Variants in DDI2 observed in about 807,000 individuals in gnomAD.
The protein encoded by DDI2 is DDI proteasomal shuttling factor 2, also known as protein DDI1 homolog 2.
DDI2 carries 5 observed loss-of-function variants against 48.1 expected under a neutral mutation model. That is an observed-to-expected ratio of 0.10 (90% CI 0.05 to 0.22). DDI2 has a LOEUF of 0.22. DDI2 is among the 10% of genes least tolerant of loss of function. The probability of loss-of-function intolerance (pLI) is 1.00; values close to 1 mark genes in which losing one functional copy is unlikely to be tolerated. For missense variants in DDI2, 285 were observed against 506.2 expected (o/e 0.56, Z 4.19); for synonymous variants, 205 against 183.6 (o/e 1.12, Z -0.94).
At chr1:15,641,869 C>T (rs1426399435) in intron 5 of DDI2, among the ~76,000 whole-genome samples, 6 of 149,038 alleles carry the variant, frequency 4.0e-5, no homozygotes, top group South Asian at 2.1e-4. Context: ...GCAGGAGAAT[C>T]GCTTGAACCC....
At chr1:15,656,332 C>A in intron 8 of DDI2, 1 of 1,126,196 alleles carries the variant, frequency 8.9e-7, no homozygotes, top group Non-Finnish European at 1.2e-6. Flanking sequence ...CTTTCTTCAC[C>A]TGTCTCACAT....
At chr1:15,658,473 C>T (rs1014952209) in intron 9 of DDI2, among the ~76,000 whole-genome samples, 1 of 140,354 alleles carries the variant, frequency 7.1e-6, no homozygotes, top group Non-Finnish European at 1.6e-5. Flanking sequence ...AATTAAAGAT[C>T]TTACAATGGT....
intron 8 of DDI2, among the ~76,000 whole-genome samples, chr1:15,653,561 T>A (rs888360210): frequency 3.3e-5 from 5 of 151,302 alleles, no homozygotes; most frequent in African/African-American, 4.8e-5. Flanking sequence ...AAAAAAAAAA[T>A]TTTTTTTTGA....
At position 15,641,778 on chromosome 1, in the gene DDI2, A is replaced by G. The variant is rs930160882; in HGVS notation, c.761-1744A>G. 4.6e-5 allele frequency among the ~76,000 whole-genome samples: 7 copies of G among 152,116 alleles called. No homozygotes were observed. The East Asian group carries it at 1.4e-3, about 30-fold the overall frequency. ...AAGACCAGCCTGGCCAACATGCTGA[A>G]GCCCCATCTCTACTAAAAATACAAA... is the stretch of plus-strand genomic sequence containing the variant. On this transcript the variant is annotated intron_variant, in intron 5 of 9. Coordinates refer to ENST00000480945, the MANE Select transcript of DDI2 (RefSeq NM_032341.5).
chr1:15,626,858 G>A, intron 2 of DDI2, 60 bp downstream of exon 2: 1 of 1,606,514 alleles, frequency 6.2e-7, no homozygotes, highest in Non-Finnish European at 8.5e-7. Context: ...GCAGAGCATA[G>A]CACCTCAGAG....
At chr1:15,655,998 T>A (rs545037216) in intron 8 of DDI2, among the ~76,000 whole-genome samples, 119 of 150,480 alleles carry the variant, frequency 7.9e-4, no homozygotes, top group African/African-American at 2.2e-3. Flanking sequence ...TAAAATGTTT[T>A]AAAAAAAAAA....
chr1:15,631,937 C>CTGGGA, intron 3 of DDI2, among the ~76,000 whole-genome samples: 1 of 152,002 alleles, frequency 6.6e-6, no homozygotes, highest in East Asian at 1.9e-4. Flanking sequence ...TCCCAAGTAG[C>CTGGGA]TGGGACTACA....
chr1:15,656,772 C>A, intron 9 of DDI2, 93 bp downstream of exon 9: 1 of 1,560,600 alleles, frequency 6.4e-7, no homozygotes, highest in South Asian at 1.1e-5. Context: ...TAGCATTTGT[C>A]ATTCACCATT....
At chr1:15,641,987 G>A (rs1174312940) in intron 5 of DDI2, among the ~76,000 whole-genome samples, 2 of 149,628 alleles carry the variant, frequency 1.3e-5, no homozygotes, top group East Asian at 3.9e-4. Context: ...GGAGAAGAAA[G>A]GGCATCAGAA....
rs144568839 is a variant in DDI2 at position 15,666,920 on chromosome 1, A to C, written c.*7130A>C. 6.6e-6 allele frequency: 1 copy of C among 152,104 alleles called. No individual in the cohort carries two copies. Among genetic ancestry groups the C allele is most frequent in the South Asian group, 2.1e-4 (1 of 4,834 alleles). The allele number at this position is 152,104 out of a possible 1,614,324, so 9.4% of individuals were successfully genotyped here. ...GCCTAAAACAGCTCTTTAAAAATCT[A>C]TTTTTTTAGGCCAGGTGCGTTGGCT... On this transcript the variant is annotated 3_prime_UTR_variant, in exon 10 of 10. Transcript: ENST00000480945.
At chr1:15,641,762 C>T (rs1640012411) in intron 5 of DDI2, among the ~76,000 whole-genome samples, 1 of 151,946 alleles carries the variant, frequency 6.6e-6, no homozygotes, top group Non-Finnish European at 1.5e-5. Context: ...CAAGACCAGC[C>T]TGGCCAACAT....
At chr1:15,634,456 G>T (rs1330339995) in intron 4 of DDI2, 4 of 151,726 alleles carry the variant, frequency 2.6e-5, no homozygotes, top group Non-Finnish European at 5.9e-5. Flanking sequence ...TTACTTAAAT[G>T]AAGCCTAACT....
chr1:15,653,658 A>G (rs1208956956), intron 8 of DDI2, among the ~76,000 whole-genome samples: 1 of 152,046 alleles, frequency 6.6e-6, no homozygotes, highest in Non-Finnish European at 1.5e-5. Flanking sequence ...TACCATGTCC[A>G]GCTAATTTCT....
chr1:15,636,449 G>T (rs1466644158), intron 4 of DDI2, among the ~76,000 whole-genome samples: 1 of 150,224 alleles, frequency 6.7e-6, no homozygotes, highest in Admixed American at 6.7e-5. Context: ...TTGTTTGTTT[G>T]TTGAAGAGAC....
intron 4 of DDI2, among the ~76,000 whole-genome samples, chr1:15,635,126 G>A (rs1570974387): frequency 6.6e-6 from 1 of 151,998 alleles, no homozygotes; most frequent in Admixed American, 6.6e-5. Flanking sequence ...CTACTCAGGA[G>A]GCTGAGGCAG....
intron 6 of DDI2, among the ~76,000 whole-genome samples, chr1:15,646,685 C>A (rs1008761204): frequency 2.0e-4 from 31 of 151,556 alleles, no homozygotes; most frequent in African/African-American, 7.0e-4. Flanking sequence ...GAAACTCCAT[C>A]TCTAAAGAAA....
chr1:15,630,424 G>T lies in DDI2; in HGVS notation c.368G>T (p.Gly123Val), dbSNP rs1437621829. 2.5e-6 allele frequency: 4 copies of T among 1,614,208 alleles called. No individual in the cohort carries two copies. Among genetic ancestry groups the T allele is most frequent in the Non-Finnish European group, 1.7e-6 (2 of 1,180,042 alleles). ...ACACAGCAGTCCCACTCATCTCCTG[G>T]AGAAATAACTTCATCTCCTCAGGGC... The part of the protein sequence containing the change: ...PGTQQSHSSP[G>V]EITSSPQGLD... The change falls in exon 3 of 10, where the codon GGA becomes GTA. Residue 123 changes from glycine to valine, a missense_variant. This residue lies in a region of DDI2 where 149 missense variants were observed against 236.5 expected (regional missense o/e 0.63). Transcript: ENST00000480945.
intron 1 of DDI2, among the ~76,000 whole-genome samples, chr1:15,623,922 C>T (rs1639711826): frequency 6.6e-6 from 1 of 151,852 alleles, no homozygotes; most frequent in South Asian, 2.1e-4. Context: ...AAATTAGCCG[C>T]TTGTGGGGGC....
At chr1:15,626,204 T>C (rs529196052) in intron 1 of DDI2, among the ~76,000 whole-genome samples, 126 of 152,338 alleles carry the variant, frequency 8.3e-4, no homozygotes, top group African/African-American at 2.9e-3. Flanking sequence ...TATGATCTCG[T>C]GAATGAAACA....
Sources: allele counts gnomAD v4.1 joint callset (sites outside exome capture counted in the v4.1 genomes callset), GRCh38; gene constraint gnomAD v4.1.1; regional missense constraint gnomAD v4.1.1; transcripts MANE v1.5; gene names NCBI Gene and HGNC (gene_info 2026-07-23, HGNC 2026-07-21).